Variants in PYY observed in about 807,000 individuals in gnomAD.
PYY encodes peptide tyrosine tyrosine.
PYY carries 12 observed loss-of-function variants against 10.3 expected under a neutral mutation model. That is an observed-to-expected ratio of 1.17 (90% CI 0.75 to 1.89). PYY has a LOEUF of 1.89. Among genes scored for constraint, PYY ranks in the 40% most tolerant of loss-of-function variants. PYY has a pLI of 0.00. For missense variants in PYY, 141 were observed against 134.0 expected (o/e 1.05, Z -0.26); for synonymous variants, 66 against 62.0 (o/e 1.06, Z -0.30).
intron 1 of PYY, among the ~76,000 whole-genome samples, chr17:43,986,031 C>T (rs1304335841): frequency 4.6e-5 from 7 of 152,046 alleles, no homozygotes; most frequent in African/African-American, 1.2e-4. Context: ...CTGAAGTGGG[C>T]GGATCACCTG....
chr17:43,976,285 ATATG>A (rs1275412487), intron 1 of PYY, among the ~76,000 whole-genome samples: 21 of 134,034 alleles, frequency 1.6e-4, no homozygotes, highest in African/African-American at 5.1e-4. Flanking sequence ...ATATATACGC[ATATG>A]TATACATGTA....
chr17:43,980,416 G>A (rs1451356887), intron 1 of PYY, among the ~76,000 whole-genome samples: 2 of 150,354 alleles, frequency 1.3e-5, no homozygotes, highest in South Asian at 2.1e-4. Flanking sequence ...CGCCCGCCTC[G>A]GCCTCCCAAA....
At chr17:43,961,977 C>A (rs1481201171) in intron 2 of PYY, among the ~76,000 whole-genome samples, 1 of 152,096 alleles carries the variant, frequency 6.6e-6, no homozygotes, top group Non-Finnish European at 1.5e-5. Context: ...GGGAGCCTGT[C>A]ACCCTACCTC....
intron 1 of PYY, among the ~76,000 whole-genome samples, chr17:43,978,169 G>T (rs911402954): frequency 2.0e-5 from 3 of 151,426 alleles, no homozygotes; most frequent in Non-Finnish European, 2.9e-5. Context: ...AGACATAAGG[G>T]TGACAGAGCA....
intron 1 of PYY, among the ~76,000 whole-genome samples, chr17:43,981,838 C>T (rs1183415520): frequency 1.3e-5 from 2 of 152,094 alleles, no homozygotes; most frequent in East Asian, 3.9e-4. Context: ...AATTGTCTGA[C>T]CAAGCCTTTT....
At chr17:43,963,236 G>A (rs929505259) in intron 2 of PYY, among the ~76,000 whole-genome samples, 5 of 152,084 alleles carry the variant, frequency 3.3e-5, no homozygotes, top group Non-Finnish European at 7.4e-5. Flanking sequence ...AGCTGGGCAC[G>A]GTGGCTCATC....
At chr17:43,983,317 G>A (rs73306622) in intron 1 of PYY, among the ~76,000 whole-genome samples, 4,547 of 152,252 alleles carry the variant, frequency 0.03, 206 homozygotes, top group African/African-American at 0.094. Context: ...TTTGGGGGTG[G>A]AGCTGATGCC....
chr17:43,999,517 G>A (rs1194508042), intron 1 of PYY, among the ~76,000 whole-genome samples: 1 of 146,692 alleles, frequency 6.8e-6, no homozygotes, highest in Admixed American at 6.7e-5. Flanking sequence ...GCTGAGGAGG[G>A]CAGATCACCT....
chr17:43,956,625 G>C (rs1442666231), upstream of PYY, among the ~76,000 whole-genome samples: 1 of 152,032 alleles, frequency 6.6e-6, no homozygotes, highest in Non-Finnish European at 1.5e-5. Context: ...GAGAGCACCT[G>C]GCAAGGCCAC....
intron 1 of PYY, among the ~76,000 whole-genome samples, chr17:43,979,451 G>A (rs570393344): frequency 1.6e-4 from 24 of 152,144 alleles, no homozygotes; most frequent in Middle Eastern, 3.4e-3. Context: ...TGCCTATACA[G>A]CAGTTTTGTG....
chr17:43,954,274 T>TTC (rs1355171633), upstream of PYY, among the ~76,000 whole-genome samples: 6 of 152,116 alleles, frequency 3.9e-5, no homozygotes, highest in Admixed American at 2.0e-4. Flanking sequence ...AGGGTTGAGA[T>TTC]TCTGTCTTCC....
chr17:43,996,679 T>G (rs2048994190), intron 1 of PYY, among the ~76,000 whole-genome samples: 1 of 151,850 alleles, frequency 6.6e-6, no homozygotes, highest in African/African-American at 2.4e-5. Flanking sequence ...TTGTTTTTGT[T>G]GGTTTGTTTA....
intron 1 of PYY, among the ~76,000 whole-genome samples, chr17:43,984,038 C>T (rs1321230366): frequency 1.3e-5 from 2 of 152,214 alleles, no homozygotes; most frequent in Non-Finnish European, 1.5e-5. Context: ...CCCATTTGCA[C>T]GCCCCGGCCG....
At chr17:43,989,101 G>A (rs1210101873) in intron 1 of PYY, among the ~76,000 whole-genome samples, 14 of 151,924 alleles carry the variant, frequency 9.2e-5, no homozygotes, top group East Asian at 3.9e-4. Flanking sequence ...CAGGCTGGGC[G>A]CGGTGGCTCA....
chr17:43,970,761 A>G (rs183922680), intron 1 of PYY, among the ~76,000 whole-genome samples: 1 of 152,290 alleles, frequency 6.6e-6, no homozygotes. Flanking sequence ...TAATGTTTGC[A>G]CCCACTACCA....
intron 1 of PYY, among the ~76,000 whole-genome samples, chr17:44,000,397 G>A (rs1157490936): frequency 6.6e-6 from 1 of 152,092 alleles, no homozygotes; most frequent in Admixed American, 6.6e-5. Context: ...GATAAGGGCA[G>A]ATGGCACTGT....
At position 43,952,867 on chromosome 17, in the gene PYY, G is replaced by T; in HGVS notation, c.*89C>A. The T allele has an allele frequency of 7.1e-7, 1 of 1,401,634 alleles. No individual in the cohort carries two copies. The allele number at this position is 1,401,634 out of a possible 1,614,324, so 86.8% of individuals were successfully genotyped here. ...AACCCTGCCCAGACGCCGCCGTCGG[G>T]AGGCAGAATCCGGGTTTCTGGGGTC... On this transcript the variant is annotated 3_prime_UTR_variant, in exon 4 of 4. Coordinates refer to ENST00000692052, the MANE Select transcript of PYY (RefSeq NM_001394028.1).
chr17:43,983,386 C>T (rs1316381745), intron 1 of PYY, among the ~76,000 whole-genome samples: 1 of 152,216 alleles, frequency 6.6e-6, no homozygotes, highest in Non-Finnish European at 1.5e-5. Context: ...TCTCCTACCG[C>T]GGGCCCTACC....
At chr17:43,966,082 G>T (rs958572229) in intron 2 of PYY, among the ~76,000 whole-genome samples, 3 of 152,010 alleles carry the variant, frequency 2.0e-5, no homozygotes, top group African/African-American at 7.3e-5. Context: ...TATCCCCATG[G>T]ATATCTCTCA....
Sources: allele counts gnomAD v4.1 joint callset (sites outside exome capture counted in the v4.1 genomes callset), GRCh38; gene constraint gnomAD v4.1.1; transcripts MANE v1.5; gene names NCBI Gene and HGNC (gene_info 2026-07-23, HGNC 2026-07-21).